Variants in GALNT3 observed in about 807,000 individuals in gnomAD.
GALNT3 encodes polypeptide N-acetylgalactosaminyltransferase 3.
A neutral mutation model predicts 69.8 loss-of-function variants in GALNT3; 51 were observed. That is an observed-to-expected ratio of 0.73 (90% CI 0.58 to 0.92). GALNT3 has a LOEUF of 0.92. GALNT3 is among the 40% of genes least tolerant of loss of function. The pLI is 0.00. For missense variants in GALNT3, 711 were observed against 760.0 expected (o/e 0.94, Z 0.76); for synonymous variants, 265 against 248.5 (o/e 1.07, Z -0.63).
In GALNT3 at chr2:165,786,813, T is replaced by C. The variant is rs72883346; in HGVS notation, c.-109+7202A>G. ...TCTCTCAATTTTCCTATCTTTAAAA[T>C]AGGGAGGAAAATAGTATGCACCTCA... On this transcript the variant is annotated intron_variant, in intron 1 of 10. Transcript: ENST00000392701. Among the ~76,000 whole-genome samples the C allele has an allele frequency of 7.9e-4, 121 of 152,260 alleles. 1 individual carries two copies. The highest frequency in any genetic ancestry group is 1.4e-3 in the Non-Finnish European group (94 of 68,014).
intron 1 of GALNT3, among the ~76,000 whole-genome samples, chr2:165,777,969 G>A (rs997275692): frequency 2.6e-5 from 4 of 152,212 alleles, no homozygotes; most frequent in Non-Finnish European, 5.9e-5. Flanking sequence ...TCAATACTGA[G>A]AAGGACAGGG....
chr2:165,753,077 A>G (rs1573995400), intron 9 of GALNT3, among the ~76,000 whole-genome samples: 1 of 152,322 alleles, frequency 6.6e-6, no homozygotes, highest in Admixed American at 6.5e-5. Context: ...ATCTGCCCTC[A>G]GTAGATTGAT....
chr2:165,762,358 G>A (rs570602772), intron 3 of GALNT3, among the ~76,000 whole-genome samples: 56 of 152,046 alleles, frequency 3.7e-4, no homozygotes, highest in Admixed American at 2.3e-3. Flanking sequence ...AACCCTAGCC[G>A]TTCAAAAGAC....
intron 9 of GALNT3, among the ~76,000 whole-genome samples, chr2:165,753,626 A>C (rs1327703776): frequency 6.6e-6 from 1 of 152,186 alleles, no homozygotes; most frequent in Non-Finnish European, 1.5e-5. Flanking sequence ...GAATGAACAA[A>C]TGAGGGAAAT....
At chr2:165,763,093 C>A (rs968594654) in intron 3 of GALNT3, among the ~76,000 whole-genome samples, 2 of 152,004 alleles carry the variant, frequency 1.3e-5, no homozygotes, top group Non-Finnish European at 2.9e-5. Context: ...AGCCACTGCG[C>A]CCAGCTGTTC....
Position 165,762,168 on chromosome 2 carries a change from T to G in GALNT3, c.689-114A>C, listed in dbSNP as rs570579619. 303 of 809,880 alleles carry G rather than the reference T, an allele frequency of 3.7e-4. 2 individuals are homozygous for G. The highest frequency in any genetic ancestry group is 5.8e-4 in the Non-Finnish European group (289 of 501,724). The allele number at this position is 809,880 out of a possible 1,614,324, so 50.2% of individuals were successfully genotyped here. On this transcript the variant is annotated intron_variant, in intron 3 of 10. Transcript: ENST00000392701. ...CCTTCCAAATTCATAATCTTAACAG[T>G]TGCATGTGTCCTTCCAGCAAAATGA...
chr2:165,749,661 C>A, intron 10 of GALNT3, 81 bp downstream of exon 10: 1 of 1,174,014 alleles, frequency 8.5e-7, no homozygotes, highest in Non-Finnish European at 1.3e-6. Context: ...TATTAATGTA[C>A]CATGTTCCAC....
chr2:165,758,716 T>A, intron 6 of GALNT3, 31 bp downstream of exon 6: 2 of 1,211,758 alleles, frequency 1.7e-6, no homozygotes, highest in Non-Finnish European at 2.5e-6. Context: ...TTGTTTAATA[T>A]ATCTGCTATA....
chr2:165,781,479 C>A lies in GALNT3; in HGVS notation c.-108-10671G>T, dbSNP rs1266064847. ...GGGTGTGGTGGAGCTCACCTATGGT[C>A]CCAGTTACTCAAGAGGCTGAGGTAA... is the stretch of plus-strand genomic sequence containing the variant. On this transcript the variant is annotated intron_variant, in intron 1 of 10. Coordinates refer to ENST00000392701, the MANE Select transcript of GALNT3 (RefSeq NM_004482.4). Among the ~76,000 whole-genome samples the A allele has an allele frequency of 2.6e-5, 4 of 151,966 alleles. No homozygotes were observed. The East Asian group carries it at 5.8e-4, about 22-fold the overall frequency.
At chr2:165,787,996 G>A (rs992876377) in intron 1 of GALNT3, among the ~76,000 whole-genome samples, 1 of 152,088 alleles carries the variant, frequency 6.6e-6, no homozygotes, top group Non-Finnish European at 1.5e-5. Flanking sequence ...AGTGAAACAA[G>A]TTCGCTACTC....
chr2:165,755,063 T>C lies in GALNT3; in HGVS notation c.1393A>G (p.Lys465Glu). ...CTTTTTGAAAGATCACCAAATGCTT[T>C]CTGTAGAAACATGAGAAATGAAGGG... is the stretch of plus-strand genomic sequence containing the variant. ...NTDAAKIVKQ[K>E]AFGDLSKRFE... Residue 465 changes from lysine (K) to glutamate (E), a missense_variant and splice_region_variant, in exon 8 of 11, where the codon AAA becomes GAA. Transcript: ENST00000392701. The C allele has an allele frequency of 6.2e-7, 1 of 1,611,518 alleles. No individual in the cohort carries two copies. Among genetic ancestry groups the C allele is most frequent in the Non-Finnish European group, 8.5e-7 (1 of 1,177,884 alleles).
rs1206319989 is a variant in GALNT3, at chr2:165,747,847, A to T, written c.*934T>A. ...TTTTTATTGTGTTTTCCACATAGAT[A>T]AAAAAATAAGGCTTTTTGATGAAAA... is the stretch of plus-strand genomic sequence containing the variant. On this transcript the variant is annotated 3_prime_UTR_variant, in exon 11 of 11. Coordinates refer to ENST00000392701, the MANE Select transcript of GALNT3 (RefSeq NM_004482.4). The T allele has an allele frequency of 1.2e-5, 2 of 169,672 alleles. No homozygotes were observed. The highest frequency in any genetic ancestry group is 4.8e-5 in the African/African-American group (2 of 41,502). 10.5% of individuals were successfully genotyped at this position (169,672 alleles called of 1,614,324 possible).
intron 1 of GALNT3, among the ~76,000 whole-genome samples, chr2:165,778,666 T>C (rs1186013428): frequency 9.9e-5 from 15 of 152,256 alleles, no homozygotes; most frequent in South Asian, 2.1e-4. Flanking sequence ...TAAAAAGTCA[T>C]AGAAGTACTT....
At chr2:165,792,640 G>A (rs559385491) in intron 1 of GALNT3, among the ~76,000 whole-genome samples, 1 of 152,256 alleles carries the variant, frequency 6.6e-6, no homozygotes, top group East Asian at 1.9e-4. Flanking sequence ...AATGTGTGGA[G>A]ATAGAACAAA....
intron 1 of GALNT3, among the ~76,000 whole-genome samples, chr2:165,790,919 C>T (rs1178004486): frequency 6.6e-6 from 1 of 151,918 alleles, no homozygotes; most frequent in Non-Finnish European, 1.5e-5. Context: ...CAGACTCCAC[C>T]CAGAACTCTA....
chr2:165,749,039 T>G, intron 10 of GALNT3, 136 bp from the exon 11 acceptor site: 1 of 892,284 alleles, frequency 1.1e-6, no homozygotes, highest in Non-Finnish European at 1.7e-6. Context: ...TGATAAACTC[T>G]TTTTGGCTTC....
At position 165,759,448 on chromosome 2, in the gene GALNT3, G is replaced by A; in HGVS notation, c.961C>T (p.Pro321Ser). The A allele has an allele frequency of 6.2e-7, 1 of 1,613,966 alleles. No individual in the cohort carries two copies. The highest frequency in any genetic ancestry group is 8.5e-7 in the Non-Finnish European group (1 of 1,179,940). ...CCACGGTTATGGTTACTTCCATAAG[G>A]AGAAGGTTTGTTGAATTCAAACGTG... ...LNTFEFNKPS[P>S]YGSNHNRGNF... The change falls in exon 5 of 11, where the codon CCT becomes TCT. Residue 321 changes from proline to serine, a missense_variant. Coordinates refer to ENST00000392701, the MANE Select transcript of GALNT3 (RefSeq NM_004482.4).
intron 1 of GALNT3, among the ~76,000 whole-genome samples, chr2:165,785,278 A>C (rs1683197031): frequency 6.6e-6 from 1 of 152,216 alleles, no homozygotes; most frequent in Non-Finnish European, 1.5e-5. Context: ...AGGCCAATTT[A>C]TATGCTGATA....
At chr2:165,752,844 T>C (rs951460204) in intron 9 of GALNT3, among the ~76,000 whole-genome samples, 1 of 152,220 alleles carries the variant, frequency 6.6e-6, no homozygotes, top group African/African-American at 2.4e-5. Flanking sequence ...TTTATGTAAC[T>C]ATTTTTCTTC....
Sources: gnomAD v4.1 joint callset for allele counts (sites outside exome capture counted in the v4.1 genomes callset) on GRCh38, gnomAD v4.1.1 for gene constraint, MANE v1.5 for transcripts, NCBI Gene and HGNC (gene_info 2026-07-23, HGNC 2026-07-21) for gene names.